RFX3: variants seen among roughly 807,000 people sequenced by gnomAD.
RFX3 encodes the protein regulatory factor X3, also known as transcription factor RFX3.
A neutral mutation model predicts 98.6 loss-of-function variants in RFX3; 14 were observed. That is an observed-to-expected ratio of 0.14 (90% CI 0.09 to 0.22). RFX3 has a LOEUF of 0.22. Among genes scored for constraint, RFX3 ranks in the 10% least tolerant of loss-of-function variants. The probability of loss-of-function intolerance (pLI) is 1.00; values close to 1 mark genes in which losing one functional copy is unlikely to be tolerated. For missense variants in RFX3, 639 were observed against 926.9 expected, an observed-to-expected ratio of 0.69 and a Z score of 4.03; for synonymous variants, 383 against 328.4, an observed-to-expected ratio of 1.17 and a Z score of -1.80.
chr9:3,334,428 G>A (rs1379553814), intron 3 of RFX3, among the ~76,000 whole-genome samples: 1 of 152,166 alleles, frequency 6.6e-6, no homozygotes, highest in Non-Finnish European at 1.5e-5. Context: ...GATCACTGCA[G>A]CTTTTGGGCC....
At chr9:3,465,719 G>C (rs544014008) in intron 1 of RFX3, among the ~76,000 whole-genome samples, 5 of 152,010 alleles carry the variant, frequency 3.3e-5, no homozygotes, top group African/African-American at 1.2e-4. Flanking sequence ...AAGAAGAGAA[G>C]GTATGCAAAC....
intron 2 of RFX3, among the ~76,000 whole-genome samples, chr9:3,391,386 G>C (rs1449990222): frequency 6.6e-6 from 1 of 152,050 alleles, no homozygotes; most frequent in East Asian, 1.9e-4. Context: ...AGTCTGGGAG[G>C]ACAACATAAC....
At chr9:3,315,602 G>T (rs1021883687) in intron 4 of RFX3, among the ~76,000 whole-genome samples, 1 of 152,020 alleles carries the variant, frequency 6.6e-6, no homozygotes, top group Admixed American at 6.5e-5. Context: ...TTTTTGAAAA[G>T]ATCAACAAAA....
chr9:3,283,255 T>C (rs1281264445), intron 7 of RFX3, among the ~76,000 whole-genome samples: 1 of 151,812 alleles, frequency 6.6e-6, no homozygotes, highest in East Asian at 1.9e-4. Flanking sequence ...ATAAGAAAGA[T>C]ATTTTTCTGT....
chr9:3,291,457 A>G (rs892074378), intron 6 of RFX3, among the ~76,000 whole-genome samples: 1 of 152,096 alleles, frequency 6.6e-6, no homozygotes, highest in Non-Finnish European at 1.5e-5. Context: ...AGTTTCCCCC[A>G]GATTAGAACC....
At chr9:3,400,489 C>T (rs1329597336) in intron 1 of RFX3, among the ~76,000 whole-genome samples, 1 of 152,146 alleles carries the variant, frequency 6.6e-6, no homozygotes, top group African/African-American at 2.4e-5. Flanking sequence ...CTGTTTATTC[C>T]CAAATTACTG....
At chr9:3,505,220 ATT>A (rs1322355630) in intron 1 of RFX3, among the ~76,000 whole-genome samples, 19 of 79,210 alleles carry the variant, frequency 2.4e-4, no homozygotes, top group African/African-American at 8.9e-4. Flanking sequence ...ATGAATATAT[ATT>A]TATATATGAA....
chr9:3,367,759 G>A (rs1184334076), intron 2 of RFX3, among the ~76,000 whole-genome samples: 2 of 152,124 alleles, frequency 1.3e-5, no homozygotes, highest in Admixed American at 1.3e-4. Flanking sequence ...TTAATTTCCT[G>A]CTAAATGTTA....
intron 1 of RFX3, among the ~76,000 whole-genome samples, chr9:3,468,760 T>C (rs1352461502): frequency 6.7e-6 from 1 of 149,220 alleles, no homozygotes; most frequent in Non-Finnish European, 1.5e-5. Context: ...AAGTCAACAT[T>C]AGCCTTGGAC....
At chr9:3,400,001 T>C (rs891331851) in intron 1 of RFX3, among the ~76,000 whole-genome samples, 1 of 151,598 alleles carries the variant, frequency 6.6e-6, no homozygotes, top group African/African-American at 2.4e-5. Flanking sequence ...ATTGATGACA[T>C]TTATATTAAT....
intron 13 of RFX3, among the ~76,000 whole-genome samples, chr9:3,258,888 A>C (rs1822495243): frequency 6.6e-6 from 1 of 151,512 alleles, no homozygotes; most frequent in African/African-American, 2.4e-5. Context: ...CTACACATAC[A>C]TTTTATATTA....
chr9:3,377,656 T>A (rs1307333828), intron 2 of RFX3, among the ~76,000 whole-genome samples: 1 of 152,150 alleles, frequency 6.6e-6, no homozygotes, highest in East Asian at 1.9e-4. Context: ...GTGGAAAATA[T>A]AAAGCGATCT....
chr9:3,364,819 A>G (rs1836858158), intron 2 of RFX3: 1 of 152,270 alleles, frequency 6.6e-6, no homozygotes, highest in Admixed American at 6.5e-5. Context: ...AGGTCTTAGG[A>G]CTGGGTCTTT....
intron 1 of RFX3, among the ~76,000 whole-genome samples, chr9:3,400,569 T>G (rs1386410009): frequency 6.6e-6 from 1 of 152,224 alleles, no homozygotes; most frequent in Non-Finnish European, 1.5e-5. Flanking sequence ...TAGTCTCTCT[T>G]TTGTGTCTCC....
At chr9:3,443,667 C>A (rs1256505690) in intron 1 of RFX3, among the ~76,000 whole-genome samples, 2 of 152,044 alleles carry the variant, frequency 1.3e-5, no homozygotes, top group Non-Finnish European at 2.9e-5. Context: ...AATAAATATA[C>A]ACATGCGTGT....
At chr9:3,334,841 C>G (rs770134554) in intron 3 of RFX3, among the ~76,000 whole-genome samples, 1 of 152,132 alleles carries the variant, frequency 6.6e-6, no homozygotes, top group Non-Finnish European at 1.5e-5. Flanking sequence ...TTAGCTGGGC[C>G]AGGCGCGGTG....
chr9:3,391,735 C>T (rs760423972), intron 2 of RFX3, among the ~76,000 whole-genome samples: 5 of 152,110 alleles, frequency 3.3e-5, no homozygotes, highest in African/African-American at 7.2e-5. Context: ...CCACTTCTGA[C>T]AGCAATCCAA....
chr9:3,356,963 G>GCACACACACA (rs199897465), intron 2 of RFX3, among the ~76,000 whole-genome samples: 14 of 140,926 alleles, frequency 9.9e-5, no homozygotes, highest in African/African-American at 2.8e-4. Flanking sequence ...ATACACACAT[G>GCACACACACA]CACACACACG....
At chr9:3,493,931 G>T (rs1850930576) in intron 1 of RFX3, among the ~76,000 whole-genome samples, 1 of 151,636 alleles carries the variant, frequency 6.6e-6, no homozygotes, top group Non-Finnish European at 1.5e-5. Flanking sequence ...AACCTTTTAA[G>T]ATCCATGTCC....
Sources: gnomAD v4.1 joint callset for allele counts (sites outside exome capture counted in the v4.1 genomes callset) on GRCh38, gnomAD v4.1.1 for gene constraint, MANE v1.5 for transcripts, NCBI Gene and HGNC (gene_info 2026-07-23, HGNC 2026-07-21) for gene names.